Variants in ZNF397 observed in about 807,000 individuals in gnomAD.
The protein encoded by ZNF397 is zinc finger and SCAN domain-containing protein 15.
ZNF397 carries 38 observed loss-of-function variants against 50.6 expected under a neutral mutation model. The ratio of observed to expected loss-of-function variants is 0.75; its 90% CI spans 0.58 to 0.98. The LOEUF (loss-of-function observed/expected upper bound fraction) is 0.98. Ranked by LOEUF, ZNF397 falls within the 50% of genes least tolerant of loss-of-function variation. The probability of loss-of-function intolerance (pLI) is 0.00; values close to 1 mark genes in which losing one functional copy is unlikely to be tolerated. For synonymous variants in ZNF397, 228 were observed against 215.2 expected (o/e 1.06, Z -0.52); for missense variants, 624 against 624.1 (o/e 1.00, Z 0.00).
At position 35,246,910 on chromosome 18, in the gene ZNF397, CTG is replaced by C. The variant is rs956493433; in HGVS notation, c.*602_*603del. On this transcript the variant is annotated 3_prime_UTR_variant, in exon 4 of 4. Transcript: ENST00000330501. ...ACTAGGAATACAGTGGAAAACAAGACTGTAGTCTCTACAGTCTAATGGGCAAG... is the reference window on the plus strand; with the variant it reads ...ACTAGGAATACAGTGGAAAACAAGACTAGTCTCTACAGTCTAATGGGCAAG... The C allele has an allele frequency of 8.4e-6, 8 of 957,894 alleles. No individual in the cohort carries two copies. The highest frequency in any genetic ancestry group is 7.1e-5 in the African/African-American group (4 of 56,612). The allele number at this position is 957,894 out of a possible 1,614,324, so 59.3% of individuals were successfully genotyped here. A position where few individuals can be genotyped will look rare whatever the true frequency, so the allele number is the denominator to read the frequency against.
chr18:35,243,469 T>C, intron 3 of ZNF397, 176 bp downstream of exon 3: 1 of 790,080 alleles, frequency 1.3e-6, no homozygotes, highest in Non-Finnish European at 2.1e-6. Flanking sequence ...CTGTCAGCCC[T>C]CCTGTGTGAG....
chr18:35,245,213 G>A (rs750243411), intron 3 of ZNF397, 49 bp from the exon 4 acceptor site: 103 of 1,495,632 alleles, frequency 6.9e-5, no homozygotes, highest in Middle Eastern at 1.8e-4. Context: ...AAGTTTTGAC[G>A]GTGACAAGAG....
intron 5 of ZNF397, chr18:35,257,803 G>T: frequency 1.3e-6 from 1 of 763,056 alleles, no homozygotes; most frequent in Admixed American, 1.7e-5. Flanking sequence ...CAACTCTGCA[G>T]TGCAATTATG....
In ZNF397 at chr18:35,242,821, C is replaced by T. The variant is rs534498068; in HGVS notation, c.351C>T (p.Ser117=). The T allele has an allele frequency of 1.4e-4, 232 of 1,613,960 alleles. 13 individuals carry two copies. In the South Asian group the frequency reaches 2.4e-3, roughly 17 times the overall value. The change falls in exon 2 of 4, where the codon AGC becomes AGT. Residue 117 remains serine (S), a synonymous_variant. Coordinates refer to ENST00000330501, the MANE Select transcript of ZNF397 (RefSeq NM_001135178.3). ...GGGTTCAGCAACATAATCCAGAAAG[C>T]GGCGAGGAAGCTGTGACCCTGTTGG... ...QIWVQQHNPE[S]GEEAVTLLED...
Position 35,245,563 on chromosome 18 carries a change from A to T in ZNF397, c.858A>T (p.Arg286Ser). Residue 286 changes from arginine (R) to serine (S), a missense_variant, in exon 4 of 4, where the codon AGA becomes AGT. Coordinates refer to ENST00000330501, the MANE Select transcript of ZNF397 (RefSeq NM_001135178.3). ...QKVPPEERPY[R>S]CDVCGHSFKQ... ...TTCCTCCAGAAGAGAGACCTTATAGATGTGATGTATGTGGGCACAGCTTCA... is the reference window on the plus strand; with the variant it reads ...TTCCTCCAGAAGAGAGACCTTATAGTTGTGATGTATGTGGGCACAGCTTCA... 1 of 1,552,600 alleles carries T rather than the reference A, an allele frequency of 6.4e-7. No individual in the cohort carries two copies. Among genetic ancestry groups the T allele is most frequent in the Non-Finnish European group, 8.7e-7 (1 of 1,147,286 alleles).
In ZNF397 at chr18:35,247,423, C is replaced by G. The variant is rs908573209; in HGVS notation, c.*1113C>G. 6.6e-6 allele frequency: 1 copy of G among 152,262 alleles called. No individual in the cohort carries two copies. The highest frequency in any genetic ancestry group is 2.4e-5 in the African/African-American group (1 of 41,432). The allele number at this position is 152,262 out of a possible 1,614,324, so 9.4% of individuals were successfully genotyped here. On this transcript the variant is annotated 3_prime_UTR_variant, in exon 4 of 4. Coordinates refer to ENST00000330501, the MANE Select transcript of ZNF397 (RefSeq NM_001135178.3). ...TCTGCTAGAGTGTTAAGACTCTATTCTCCTTTGATTCTAAAGACAATATCA... is the reference window on the plus strand; with the variant it reads ...TCTGCTAGAGTGTTAAGACTCTATTGTCCTTTGATTCTAAAGACAATATCA...
Position 35,242,879 on chromosome 18 carries a change from C to T in ZNF397, c.409C>T (p.Gln137Ter). Residue 137 changes from glutamine (Q) to a stop codon, truncating the protein, a stop_gained, in exon 2 of 4, where the codon CAG becomes TAG. Coordinates refer to ENST00000330501, the MANE Select transcript of ZNF397 (RefSeq NM_001135178.3). LOFTEE classifies it high-confidence loss of function. ...AGAGAGGGAGTTTGATGACCCAGGG[C>T]AGCAGGTGGGAACGGAGAAAAGTGA... ...DLEREFDDPG[Q>*]QVPASPQGPA... 2 of 1,604,794 alleles carry T rather than the reference C, an allele frequency of 1.2e-6. No individual in the cohort carries two copies. Among genetic ancestry groups the T allele is most frequent in the African/African-American group, 1.3e-5 (1 of 74,644 alleles).
chr18:35,258,017 A>G (rs1416043068), exon 6 of ZNF397: 8 of 780,582 alleles, frequency 1.0e-5, no homozygotes, highest in Non-Finnish European at 1.9e-5. Flanking sequence ...TCATGAGGCT[A>G]GTGAAGCACC....
In ZNF397 at chr18:35,241,066, C is replaced by T. The variant is rs1406967614; in HGVS notation, c.-124C>T. The T allele has an allele frequency of 2.0e-5, 3 of 152,512 alleles. No homozygotes were observed. The highest frequency in any genetic ancestry group is 6.5e-5 in the Admixed American group (1 of 15,314). The allele number at this position is 152,512 out of a possible 1,614,324, so 9.4% of individuals were successfully genotyped here. The stretch of plus-strand genomic sequence containing the variant: ...CACTTCCGGTCTTTGTGGCTTGCAG[C>T]TCGGGGTGGGTGGCTCATTTCCTGG... On this transcript the variant is annotated 5_prime_UTR_variant, in exon 1 of 4. Coordinates refer to ENST00000330501, the MANE Select transcript of ZNF397 (RefSeq NM_001135178.3).
Position 35,246,190 on chromosome 18 carries a change from C to T in ZNF397, c.1485C>T (p.Ala495=). The change falls in exon 4 of 4, where the codon GCC becomes GCT. Residue 495 remains alanine (A), a synonymous_variant. Coordinates refer to ENST00000330501, the MANE Select transcript of ZNF397 (RefSeq NM_001135178.3). The stretch of plus-strand genomic sequence containing the variant: ...GCAAAACTTTCAAAAGGAGCTCAGC[C>T]CTTGTTCAGCATCAGAGAATTCATT... ...ECGKTFKRSS[A]LVQHQRIHSG... 2 of 1,551,830 alleles carry T rather than the reference C, an allele frequency of 1.3e-6. No homozygotes were observed. Among genetic ancestry groups the T allele is most frequent in the Non-Finnish European group, 1.7e-6 (2 of 1,147,034 alleles).
chr18:35,253,746 T>C (rs368803707), downstream of ZNF397: 205 of 1,614,184 alleles, frequency 1.3e-4, 4 homozygotes, highest in South Asian at 1.8e-3. Flanking sequence ...AGGGCTGAGC[T>C]CCGGCTGAAG....
chr18:35,243,172 A>G lies in ZNF397; in HGVS notation c.435A>G (p.Gly145=). ...TTCAGGTCCCAGCTAGTCCACAGGG[A>G]CCAGCAGTGCCATGGAAGGATTTAA... ...PGQQVPASPQ[G]PAVPWKDLTC... is the part of the protein sequence containing the mutation. Residue 145 remains glycine, a synonymous_variant, in exon 3 of 4, where the codon GGA becomes GGG. Coordinates refer to ENST00000330501, the MANE Select transcript of ZNF397 (RefSeq NM_001135178.3). The G allele has an allele frequency of 6.2e-7, 1 of 1,614,162 alleles. No individual in the cohort carries two copies. Among genetic ancestry groups the G allele is most frequent in the Non-Finnish European group, 8.5e-7 (1 of 1,180,028 alleles).
chr18:35,253,721 T>C (rs755085081), downstream of ZNF397: 1 of 1,613,618 alleles, frequency 6.2e-7, no homozygotes, highest in Non-Finnish European at 8.5e-7. Flanking sequence ...AGTGTGAATT[T>C]TCTTATGCTG....
chr18:35,253,948 A>T, downstream of ZNF397: 1 of 1,614,186 alleles, frequency 6.2e-7, no homozygotes. Context: ...CTTTACATGC[A>T]TAAGGTCTCT....
rs570805822 is a variant in ZNF397, at chr18:35,246,578, A to G, written c.*268A>G. ...AGGAAATACGAAAAGTGGGAATGTAACATTGAAACCTCATTTTGTATGAAA... is the reference window on the plus strand; with the variant it reads ...AGGAAATACGAAAAGTGGGAATGTAGCATTGAAACCTCATTTTGTATGAAA... On this transcript the variant is annotated 3_prime_UTR_variant, in exon 4 of 4. Transcript: ENST00000330501. 8.2e-7 allele frequency: 1 copy of G among 1,221,522 alleles called. No individual in the cohort carries two copies. Among genetic ancestry groups the G allele is most frequent in the African/African-American group, 1.6e-5 (1 of 63,908 alleles). The allele number at this position is 1,221,522 out of a possible 1,614,324, so 75.7% of individuals were successfully genotyped here.
rs1264823949 is a variant in ZNF397, at chr18:35,249,653, A to C, written c.*3343A>C. Reference sequence around the variant, plus strand: ...GGGTGACAGAGTGAGACTGTGTCTCAAAAAAAAAAAAAAAAAAAAAAAAAA... The same window carrying C: ...GGGTGACAGAGTGAGACTGTGTCTCCAAAAAAAAAAAAAAAAAAAAAAAAA... On this transcript the variant is annotated 3_prime_UTR_variant, in exon 4 of 4. Coordinates refer to ENST00000330501, the MANE Select transcript of ZNF397 (RefSeq NM_001135178.3). The C allele has an allele frequency of 3.9e-5, 1 of 25,424 alleles. No homozygotes were observed. Among genetic ancestry groups the C allele is most frequent in the African/African-American group, 2.0e-4 (1 of 5,062 alleles). The allele number at this position is 25,424 out of a possible 1,614,324, so 1.6% of individuals were successfully genotyped here. A position where few individuals can be genotyped will look rare whatever the true frequency, so the allele number is the denominator to read the frequency against.
chr18:35,245,296 C>T lies in ZNF397; in HGVS notation c.591C>T (p.Gly197=). The T allele has an allele frequency of 3.1e-6, 5 of 1,609,960 alleles. No homozygotes were observed. Among genetic ancestry groups the T allele is most frequent in the Non-Finnish European group, 4.2e-6 (5 of 1,177,298 alleles). The change falls in exon 4 of 4, where the codon GGC becomes GGT. Residue 197 remains glycine, a synonymous_variant. Transcript: ENST00000330501. ...CENSETATKE[G]ISEEKSQGLP... is the part of the protein sequence containing the mutation. ...ACAGTGAAACAGCAACAAAAGAGGGCATCTCAGAAGAAAAATCACAGGGAC... is the reference window on the plus strand; with the variant it reads ...ACAGTGAAACAGCAACAAAAGAGGGTATCTCAGAAGAAAAATCACAGGGAC...
chr18:35,241,781 C>T (rs539031620), intron 1 of ZNF397: 1 of 152,100 alleles, frequency 6.6e-6, no homozygotes, highest in South Asian at 2.1e-4. Context: ...TCAGTAAGTG[C>T]CTCAGTGTTT....
intron 5 of ZNF397, chr18:35,256,136 T>A (rs2043803523): frequency 6.6e-6 from 1 of 152,410 alleles, no homozygotes; most frequent in Non-Finnish European, 1.5e-5. Context: ...AGAGAAAAAT[T>A]TTGTCCTCAG....
Sources: allele counts gnomAD v4.1 joint callset, GRCh38; gene constraint gnomAD v4.1.1; transcripts MANE v1.5; gene names NCBI Gene and HGNC (gene_info 2026-07-23, HGNC 2026-07-21).